The following LHPP variants were observed in gnomAD, a reference collection of about 807,000 sequenced individuals.
LHPP encodes hLHPP.
A neutral mutation model predicts 30.3 loss-of-function variants in LHPP; 24 were observed. The ratio of observed to expected loss-of-function variants is 0.79; its 90% confidence interval spans 0.57 to 1.11. The LOEUF (loss-of-function observed/expected upper bound fraction) is 1.11. Ranked by LOEUF, LHPP falls within the 50% of genes most tolerant of loss-of-function variation. The pLI is 0.00. For missense variants in LHPP, 356 were observed against 367.2 expected, an observed-to-expected ratio of 0.97 and a Z score of 0.25; for synonymous variants, 150 against 157.1, an observed-to-expected ratio of 0.95 and a Z score of 0.34.
intron 6 of LHPP, among the ~76,000 whole-genome samples, chr10:124,538,202 G>A (rs897284): frequency 1.7e-4 from 2 of 12,120 alleles, no homozygotes; most frequent in African/African-American, 5.0e-4. Context: ...GTCACCATGT[G>A]GGGTCACCAT....
At chr10:124,606,551 TTCGTG>T (rs1450982114) in intron 6 of LHPP, among the ~76,000 whole-genome samples, 1 of 152,202 alleles carries the variant, frequency 6.6e-6, no homozygotes, top group Non-Finnish European at 1.5e-5. Context: ...AAACGCCAAC[TTCGTG>T]TGCAGTCTTG....
At chr10:124,607,757 C>T (rs1452853547) in intron 6 of LHPP, among the ~76,000 whole-genome samples, 2 of 152,156 alleles carry the variant, frequency 1.3e-5, no homozygotes, top group Non-Finnish European at 2.9e-5. Flanking sequence ...CTTCGGGCAA[C>T]AAGGAACCCA....
intron 1 of LHPP, among the ~76,000 whole-genome samples, chr10:124,472,347 A>C (rs1952805774): frequency 6.6e-6 from 1 of 152,196 alleles, no homozygotes; most frequent in African/African-American, 2.4e-5. Flanking sequence ...AGTGAACCAC[A>C]CAACACAGTT....
intron 6 of LHPP, among the ~76,000 whole-genome samples, chr10:124,602,317 G>A (rs1949034356): frequency 6.6e-6 from 1 of 152,254 alleles, no homozygotes; most frequent in Non-Finnish European, 1.5e-5. Context: ...GGCGCGCTGT[G>A]CAGAGCACAT....
intron 6 of LHPP, among the ~76,000 whole-genome samples, chr10:124,565,679 A>G (rs1175494230): frequency 6.6e-6 from 1 of 152,188 alleles, no homozygotes; most frequent in Non-Finnish European, 1.5e-5. Context: ...AAGAATTTCC[A>G]GGTCTTTTCT....
At chr10:124,557,028 G>A (rs1444617588) in intron 6 of LHPP, among the ~76,000 whole-genome samples, 2 of 152,158 alleles carry the variant, frequency 1.3e-5, no homozygotes, top group African/African-American at 2.4e-5. Context: ...GAGACAGGCG[G>A]TCGGTGCTCA....
chr10:124,477,195 T>C (rs1952977172), intron 1 of LHPP, among the ~76,000 whole-genome samples: 1 of 152,164 alleles, frequency 6.6e-6, no homozygotes, highest in Non-Finnish European at 1.5e-5. Flanking sequence ...GGAGTGAGAC[T>C]CTGTCTCAAA....
At chr10:124,462,747 G>C (rs1431485436) in intron 1 of LHPP, among the ~76,000 whole-genome samples, 1 of 152,240 alleles carries the variant, frequency 6.6e-6, no homozygotes, top group Non-Finnish European at 1.5e-5. Flanking sequence ...GCCCAGGCTG[G>C]AGTGCAATGG....
intron 6 of LHPP, among the ~76,000 whole-genome samples, chr10:124,566,626 C>G (rs781493820): frequency 6.6e-6 from 1 of 152,192 alleles, no homozygotes; most frequent in Non-Finnish European, 1.5e-5. Flanking sequence ...TACCCCATCC[C>G]GGAGAGCCAG....
rs77134927 is a variant in LHPP, at chr10:124,577,142, G to C, written c.717-36122G>C. ...CCAGACAGGTTCCATAGCCTGCTCA[G>C]GTGGGTCCGTGCTGGACCAGGAGAA... On this transcript the variant is annotated intron_variant, in intron 6 of 6. Coordinates refer to ENST00000368842, the MANE Select transcript of LHPP (RefSeq NM_022126.4). 5.0e-4 allele frequency among the ~76,000 whole-genome samples: 76 copies of C among 152,312 alleles called. 1 individual carries two copies. The East Asian group carries it at 0.014, about 27-fold the overall frequency.
chr10:124,574,045 G>A (rs1481283968), intron 6 of LHPP, among the ~76,000 whole-genome samples: 1 of 152,136 alleles, frequency 6.6e-6, no homozygotes, highest in Admixed American at 6.5e-5. Flanking sequence ...AGCACCTGGC[G>A]TGGTCCAGGG....
intron 5 of LHPP, among the ~76,000 whole-genome samples, chr10:124,513,351 C>T (rs190927281): frequency 9.2e-5 from 14 of 151,902 alleles, no homozygotes; most frequent in South Asian, 8.3e-4. Flanking sequence ...TGAGTCACTG[C>T]GCCCAGCTTT....
chr10:124,469,382 G>T (rs535937495), intron 1 of LHPP, among the ~76,000 whole-genome samples: 1 of 152,010 alleles, frequency 6.6e-6, no homozygotes, highest in African/African-American at 2.4e-5. Flanking sequence ...CGGAGCACGG[G>T]GGAAGTAGAA....
At chr10:124,467,784 C>T (rs977465289) in intron 1 of LHPP, among the ~76,000 whole-genome samples, 3 of 151,810 alleles carry the variant, frequency 2.0e-5, no homozygotes, top group East Asian at 3.9e-4. Context: ...GGTATGATCT[C>T]GGCTCACTGC....
At chr10:124,465,320 G>A (rs1589747222) in intron 1 of LHPP, among the ~76,000 whole-genome samples, 1 of 152,258 alleles carries the variant, frequency 6.6e-6, no homozygotes, top group East Asian at 1.9e-4. Flanking sequence ...TGAGGGGCAC[G>A]GAGAGGTGTC....
intron 6 of LHPP, among the ~76,000 whole-genome samples, chr10:124,563,037 A>T (rs1428550942): frequency 6.6e-6 from 1 of 152,192 alleles, no homozygotes; most frequent in Non-Finnish European, 1.5e-5. Flanking sequence ...AGGTAAAATG[A>T]TACAAATGCT....
At chr10:124,604,230 G>A (rs1354044273) in intron 6 of LHPP, among the ~76,000 whole-genome samples, 1 of 152,188 alleles carries the variant, frequency 6.6e-6, no homozygotes, top group Non-Finnish European at 1.5e-5. Context: ...GAGATCTGTG[G>A]CCATCTCCAC....
At chr10:124,506,987 A>G (rs1330746030) in intron 5 of LHPP, among the ~76,000 whole-genome samples, 37 of 2,638 alleles carry the variant, frequency 0.014, no homozygotes, top group Admixed American at 0.037. Context: ...ATTTCAGGTG[A>G]GGGGGGTAGG....
At chr10:124,518,911 T>A (rs948108481) in intron 6 of LHPP, among the ~76,000 whole-genome samples, 1 of 152,172 alleles carries the variant, frequency 6.6e-6, no homozygotes, top group African/African-American at 2.4e-5. Flanking sequence ...CATGACACTG[T>A]CTCCCGGAGA....
Sources: allele counts gnomAD v4.1 joint callset (sites outside exome capture counted in the v4.1 genomes callset), GRCh38; gene constraint gnomAD v4.1.1; transcripts MANE v1.5; gene names NCBI Gene and HGNC (gene_info 2026-07-23, HGNC 2026-07-21).